The following NAB1 variants were observed in gnomAD, a reference collection of about 807,000 sequenced individuals.
NAB1 encodes the protein NGFI-A-binding protein 1.
In NAB1, 25 loss-of-function variants were observed where a neutral mutation model predicts 49.9. The observed-to-expected ratio is 0.50, with a 90% CI of 0.37 to 0.70. NAB1 has a LOEUF of 0.70. Among genes scored for constraint, NAB1 ranks in the 30% least tolerant of loss-of-function variants. The probability of loss-of-function intolerance (pLI) is 0.00; values close to 1 mark genes in which losing one functional copy is unlikely to be tolerated. For missense variants in NAB1, 489 were observed against 575.9 expected (o/e 0.85, Z 1.54); for synonymous variants, 198 against 215.6 (o/e 0.92, Z 0.71).
In NAB1 at chr2:190,690,982, A is replaced by G. The variant is rs1233717111; in HGVS notation, c.*649A>G. 1 of 152,622 alleles carries G rather than the reference A, an allele frequency of 6.6e-6. No homozygotes were observed. Among genetic ancestry groups the G allele is most frequent in the African/African-American group, 2.4e-5 (1 of 41,470 alleles). The allele number at this position is 152,622 out of a possible 1,614,324, so 9.5% of individuals were successfully genotyped here. The stretch of plus-strand genomic sequence containing the variant: ...CTGGTTATCAATGCACGTTTACACA[A>G]TAAATACTTGAGTGGAGGAAAGTTA... On this transcript the variant is annotated 3_prime_UTR_variant, in exon 10 of 10. Coordinates refer to ENST00000337386, the MANE Select transcript of NAB1 (RefSeq NM_005966.4).
chr2:190,651,923 A>G lies in NAB1; in HGVS notation c.-197+1941A>G, dbSNP rs1254703873. Among the ~76,000 whole-genome samples the G allele has an allele frequency of 6.6e-6, 1 of 152,244 alleles. No individual in the cohort carries two copies. Among genetic ancestry groups the G allele is most frequent in the Non-Finnish European group, 1.5e-5 (1 of 68,052 alleles). ...TAGCATAAATAATACCCACTTGAGCATAATAGAAGATTGCTAGACCCTTTG... is the reference window on the plus strand; with the variant it reads ...TAGCATAAATAATACCCACTTGAGCGTAATAGAAGATTGCTAGACCCTTTG... On this transcript the variant is annotated intron_variant, in intron 2 of 9. Coordinates refer to ENST00000337386, the MANE Select transcript of NAB1 (RefSeq NM_005966.4). This position sits in a 1 kb window ranked among gnomAD's most constrained non-coding sequence, Gnocchi z 4.3.
intron 6 of NAB1, among the ~76,000 whole-genome samples, chr2:190,673,484 G>A (rs1369861484): frequency 1.3e-5 from 2 of 152,122 alleles, no homozygotes; most frequent in Non-Finnish European, 2.9e-5. Context: ...TTACAGGTGT[G>A]AACCACCATG....
Position 190,677,724 on chromosome 2 carries a change from G to A in NAB1, c.1005+4572G>A, listed in dbSNP as rs1695141302. On this transcript the variant is annotated intron_variant, in intron 6 of 9. Coordinates refer to ENST00000337386, the MANE Select transcript of NAB1 (RefSeq NM_005966.4). The surrounding 1 kb of genome is among the most constrained non-coding windows in gnomAD (Gnocchi z 5.6). Reference sequence around the variant, plus strand: ...TTTATGATTTCCATTTTACAGCCAAGGAGAGACCCAGACAGGCTCAGTATC... The same window carrying A: ...TTTATGATTTCCATTTTACAGCCAAAGAGAGACCCAGACAGGCTCAGTATC... 6.6e-6 allele frequency among the ~76,000 whole-genome samples: 1 copy of A among 152,154 alleles called. No homozygotes were observed. The highest frequency in any genetic ancestry group is 2.1e-4 in the South Asian group (1 of 4,828).
In NAB1 at chr2:190,659,513, A is replaced by G; in HGVS notation, c.337A>G (p.Ser113Gly). The G allele has an allele frequency of 6.2e-7, 1 of 1,614,204 alleles. No individual in the cohort carries two copies. Among genetic ancestry groups the G allele is most frequent in the Non-Finnish European group, 8.5e-7 (1 of 1,180,030 alleles). Residue 113 changes from serine (S) to glycine (G), a missense_variant, in exon 4 of 10, where the codon AGT (serine) becomes GGT (glycine). Physicochemically the swap from Ser to Gly is moderately conservative, Grantham distance 56. Around this residue, in one of 4 missense-constraint regions of NAB1, gnomAD observed 204 missense variants for 220.9 expected, o/e 0.92. Coordinates refer to ENST00000337386, the MANE Select transcript of NAB1 (RefSeq NM_005966.4). The surrounding 1 kb of genome is among the most constrained non-coding windows in gnomAD (Gnocchi z 6.2). ...SPTWLGISCS[S>G]YERSSNAREP... ...AACATGGCTGGGAATATCCTGCAGT[A>G]GTTATGAAAGGAGTAGCAATGCCCG...
In NAB1 at chr2:190,680,949, T is replaced by C. The variant is rs1442527440; in HGVS notation, c.1006-2789T>C. Among the ~76,000 whole-genome samples, 1 of 152,242 alleles carries C rather than the reference T, an allele frequency of 6.6e-6. No homozygotes were observed. The highest frequency in any genetic ancestry group is 1.5e-5 in the Non-Finnish European group (1 of 68,044). On this transcript the variant is annotated intron_variant, in intron 6 of 9. Transcript: ENST00000337386. This position sits in a 1 kb window ranked among gnomAD's most constrained non-coding sequence, Gnocchi z 5.2. The stretch of plus-strand genomic sequence containing the variant: ...AAATGATTCTGCAAGTTAAGTACTA[T>C]TGTTATCCCCATTTTATAGATGAGA...
chr2:190,655,928 G>C (rs1693896910), intron 2 of NAB1, 49 bp from the exon 3 acceptor site: 1 of 152,238 alleles, frequency 6.6e-6, no homozygotes, highest in African/African-American at 2.4e-5. Flanking sequence ...TTAAATTAAT[G>C]CATTGTTTAA....
In NAB1 at chr2:190,683,514, G is replaced by C. The variant is rs138867299; in HGVS notation, c.1006-224G>C. On this transcript the variant is annotated intron_variant, in intron 6 of 9. Transcript: ENST00000337386. Reference sequence around the variant, plus strand: ...CCTTCTTTCCAGTGTAAAACAATAGGAATGATGACATTTTTCATCTTATTT... The same window carrying C: ...CCTTCTTTCCAGTGTAAAACAATAGCAATGATGACATTTTTCATCTTATTT... Among the ~76,000 whole-genome samples the C allele has an allele frequency of 3.8e-3, 571 of 151,820 alleles. 5 individuals are homozygous for C. The highest frequency in any genetic ancestry group is 2.7e-3 in the Non-Finnish European group (183 of 67,944).
rs1214959252 is a variant in NAB1, at chr2:190,663,441, A to T, written c.819+3446A>T. Reference sequence around the variant, plus strand: ...CTCCTGTTTTTATAAATAAATTTTTATTGGCACACAGCTGGGCCTATTTAT... The same window carrying T: ...CTCCTGTTTTTATAAATAAATTTTTTTTGGCACACAGCTGGGCCTATTTAT... On this transcript the variant is annotated intron_variant, in intron 4 of 9. Transcript: ENST00000337386. The surrounding 1 kb of genome is among the most constrained non-coding windows in gnomAD (Gnocchi z 4.2). Among the ~76,000 whole-genome samples the T allele has an allele frequency of 6.6e-6, 1 of 152,102 alleles. No individual in the cohort carries two copies. The highest frequency in any genetic ancestry group is 1.5e-5 in the Non-Finnish European group (1 of 68,026).
rs773415573 is a variant in NAB1, at chr2:190,651,854, A to G, written c.-197+1872A>G. Among the ~76,000 whole-genome samples, 3 of 152,228 alleles carry G rather than the reference A, an allele frequency of 2.0e-5. No individual in the cohort carries two copies. The highest frequency in any genetic ancestry group is 4.8e-5 in the African/African-American group (2 of 41,464). On this transcript the variant is annotated intron_variant, in intron 2 of 9. Transcript: ENST00000337386. This position sits in a 1 kb window ranked among gnomAD's most constrained non-coding sequence, Gnocchi z 4.3. Reference sequence around the variant, plus strand: ...TTAAGATCATGCTAATGTATAATCAACCCGTCTATGCATATTTCATTGTGG... The same window carrying G: ...TTAAGATCATGCTAATGTATAATCAGCCCGTCTATGCATATTTCATTGTGG...
At position 190,678,393 on chromosome 2, in the gene NAB1, G is replaced by C. The variant is rs936355890; in HGVS notation, c.1005+5241G>C. On this transcript the variant is annotated intron_variant, in intron 6 of 9. Coordinates refer to ENST00000337386, the MANE Select transcript of NAB1 (RefSeq NM_005966.4). The surrounding 1 kb of genome is among the most constrained non-coding windows in gnomAD (Gnocchi z 4.9). Reference sequence around the variant, plus strand: ...ATGTTATAAGTAACATCTTAGAAGGGAGGAAGGATATATAAAGCTACAGTC... The same window carrying C: ...ATGTTATAAGTAACATCTTAGAAGGCAGGAAGGATATATAAAGCTACAGTC... 2.0e-5 allele frequency among the ~76,000 whole-genome samples: 3 copies of C among 152,164 alleles called. No individual in the cohort carries two copies. The highest frequency in any genetic ancestry group is 4.4e-5 in the Non-Finnish European group (3 of 68,032).
In NAB1 at chr2:190,676,826, C is replaced by T. The variant is rs1189173558; in HGVS notation, c.1005+3674C>T. The T allele has an allele frequency of 6.6e-6, 1 of 152,124 alleles. No homozygotes were observed. Among genetic ancestry groups the T allele is most frequent in the Non-Finnish European group, 1.5e-5 (1 of 68,026 alleles). 9.4% of individuals were successfully genotyped at this position (152,124 alleles called of 1,614,324 possible). The stretch of plus-strand genomic sequence containing the variant: ...TTCAAATCTTTAAGTGTTCTAAAAT[C>T]CTTTATAACAATAAGCATATGTGCC... On this transcript the variant is annotated intron_variant, in intron 6 of 9. Coordinates refer to ENST00000337386, the MANE Select transcript of NAB1 (RefSeq NM_005966.4). The surrounding 1 kb of genome is among the most constrained non-coding windows in gnomAD (Gnocchi z 4.6).
At position 190,659,960 on chromosome 2, in the gene NAB1, A is replaced by G; in HGVS notation, c.784A>G (p.Lys262Glu). 3 of 1,613,862 alleles carry G rather than the reference A, an allele frequency of 1.9e-6. No homozygotes were observed. The highest frequency in any genetic ancestry group is 1.1e-5 in the South Asian group (1 of 91,078). The change falls in exon 4 of 10, where the codon AAG becomes GAG. Residue 262 changes from lysine to glutamate, a missense_variant. Transcript: ENST00000337386. This position sits in a 1 kb window ranked among gnomAD's most constrained non-coding sequence, Gnocchi z 6.2. Reference sequence around the variant, plus strand: ...TGCAATATATGGCAGATTTGACTCAAAGAGGAAGGATGGGAAACATCTCAC... The same window carrying G: ...TGCAATATATGGCAGATTTGACTCAGAGAGGAAGGATGGGAAACATCTCAC... Reference protein sequence around the residue: ...YSAIYGRFDSKRKDGKHLTLH... With the variant: ...YSAIYGRFDSERKDGKHLTLH...
Position 190,657,087 on chromosome 2 carries a change from G to A in NAB1, c.-20+934G>A, listed in dbSNP as rs1693961996. Among the ~76,000 whole-genome samples the A allele has an allele frequency of 6.6e-6, 1 of 152,044 alleles. No homozygotes were observed. The highest frequency in any genetic ancestry group is 2.1e-4 in the South Asian group (1 of 4,824). Reference sequence around the variant, plus strand: ...TTGAAAGCCTATGGAGGAATTGCACGAGGTGTATGATAGGAAAGTAAATGT... The same window carrying A: ...TTGAAAGCCTATGGAGGAATTGCACAAGGTGTATGATAGGAAAGTAAATGT... On this transcript the variant is annotated intron_variant, in intron 3 of 9. Coordinates refer to ENST00000337386, the MANE Select transcript of NAB1 (RefSeq NM_005966.4). This position sits in a 1 kb window ranked among gnomAD's most constrained non-coding sequence, Gnocchi z 4.4.
chr2:190,671,878 C>T (rs1315890280), intron 5 of NAB1, among the ~76,000 whole-genome samples: 3 of 144,470 alleles, frequency 2.1e-5, no homozygotes, highest in Admixed American at 7.6e-5. Context: ...TGGGTTCAAG[C>T]GATTCTCTTG....
Position 190,679,697 on chromosome 2 carries a change from TTTAC to T in NAB1, c.1006-4038_1006-4035del, listed in dbSNP as rs1351732085. 1.3e-5 allele frequency among the ~76,000 whole-genome samples: 2 copies of T among 152,072 alleles called. No homozygotes were observed. Among genetic ancestry groups the T allele is most frequent in the African/African-American group, 4.8e-5 (2 of 41,390 alleles). ...ATTTGGATCACTGGAAATAATGAGG[TTTAC>T]TTTTTTGCCTGAGATCACACAGCTG... is the stretch of plus-strand genomic sequence containing the variant. On this transcript the variant is annotated intron_variant, in intron 6 of 9. Coordinates refer to ENST00000337386, the MANE Select transcript of NAB1 (RefSeq NM_005966.4). This position sits in a 1 kb window ranked among gnomAD's most constrained non-coding sequence, Gnocchi z 5.3.
chr2:190,664,466 C>G (rs946325267), intron 4 of NAB1, among the ~76,000 whole-genome samples: 2 of 151,668 alleles, frequency 1.3e-5, no homozygotes, highest in African/African-American at 4.8e-5. Flanking sequence ...ACTCAGCCTC[C>G]TGGGTAGCTG....
At chr2:190,653,322 A>T (rs1693761989) in intron 2 of NAB1, among the ~76,000 whole-genome samples, 1 of 152,186 alleles carries the variant, frequency 6.6e-6, no homozygotes, top group African/African-American at 2.4e-5. Context: ...TCTAGATGTT[A>T]AGAAGAAAAC....
intron 4 of NAB1, among the ~76,000 whole-genome samples, chr2:190,660,603 G>T (rs113272046): frequency 9.2e-5 from 14 of 152,318 alleles, no homozygotes; most frequent in African/African-American, 2.6e-4. Context: ...TACTTCACGT[G>T]TGTGTATAAA....
chr2:190,671,769 C>CTTTTTTTT lies in NAB1; in HGVS notation c.954-1314_954-1307dup, dbSNP rs1177937369. 5.0e-4 allele frequency among the ~76,000 whole-genome samples: 36 copies of CTTTTTTTT among 71,746 alleles called. 1 individual carries two copies. The highest frequency in any genetic ancestry group is 1.1e-3 in the Admixed American group (5 of 4,584). 47.1% of individuals were successfully genotyped at this position (71,746 alleles called of 152,430 possible). Reference sequence around the variant, plus strand: ...CCTCTAGTATTTACCTTCACCTTTCCTTTTTTTTTTTTTTTTTTTTTTTTT... The same window carrying CTTTTTTTT: ...CCTCTAGTATTTACCTTCACCTTTCCTTTTTTTTTTTTTTTTTTTTTTTTTTTTTTTTT... On this transcript the variant is annotated intron_variant, in intron 5 of 9. Transcript: ENST00000337386.
Sources: allele counts gnomAD v4.1 joint callset (sites outside exome capture counted in the v4.1 genomes callset), GRCh38; gene constraint gnomAD v4.1.1; regional missense constraint gnomAD v4.1.1; non-coding constraint Gnocchi (gnomAD v3.1); transcripts MANE v1.5; gene names NCBI Gene and HGNC (gene_info 2026-07-23, HGNC 2026-07-21).